The following TSPAN13 variants were observed in gnomAD, a reference collection of about 807,000 sequenced individuals.
The protein encoded by TSPAN13 is tetraspanin-13.
TSPAN13 carries 18 observed loss-of-function variants against 26.9 expected under a neutral mutation model. The ratio of observed to expected loss-of-function variants is 0.67; its 90% CI spans 0.46 to 0.99. The LOEUF is 0.99. Among genes scored for constraint, TSPAN13 ranks in the 50% least tolerant of loss-of-function variants. The pLI, the probability that TSPAN13 is intolerant of heterozygous loss-of-function variation, is 0.00. For synonymous variants in TSPAN13, 116 were observed against 98.4 expected (o/e 1.18, Z -1.06); for missense variants, 201 against 249.6 (o/e 0.81, Z 1.31).
chr7:16,756,334 A>G (rs1280003601), intron 1 of TSPAN13, among the ~76,000 whole-genome samples: 1 of 152,224 alleles, frequency 6.6e-6, no homozygotes, highest in Non-Finnish European at 1.5e-5. Flanking sequence ...ACTGCCTCTA[A>G]AATGTGCTCA....
intron 1 of TSPAN13, among the ~76,000 whole-genome samples, chr7:16,756,352 A>G (rs1181515802): frequency 6.6e-6 from 1 of 152,244 alleles, no homozygotes. Context: ...TCAACGCTAC[A>G]GGATTACATT....
intron 4 of TSPAN13, 81 bp downstream of exon 4, chr7:16,777,992 A>T (rs1784772686): frequency 1.0e-6 from 1 of 963,948 alleles, no homozygotes; most frequent in Non-Finnish European, 1.6e-6. Context: ...GGACTTTCTG[A>T]TGCTGAATTG....
intron 3 of TSPAN13, among the ~76,000 whole-genome samples, chr7:16,777,334 G>A (rs1053497401): frequency 3.9e-5 from 6 of 152,100 alleles, no homozygotes; most frequent in Admixed American, 6.6e-5. Flanking sequence ...CTTTTAAATC[G>A]GATTTTGCTT....
At chr7:16,773,499 T>C (rs1784706200) in intron 1 of TSPAN13, among the ~76,000 whole-genome samples, 1 of 152,210 alleles carries the variant, frequency 6.6e-6, no homozygotes, top group Non-Finnish European at 1.5e-5. Context: ...GTTGGGTAGT[T>C]GTGGCAGAGA....
chr7:16,776,824 A>G (rs1784754999), intron 2 of TSPAN13, among the ~76,000 whole-genome samples: 1 of 152,196 alleles, frequency 6.6e-6, no homozygotes, highest in Non-Finnish European at 1.5e-5. Context: ...AGTTTTAGTT[A>G]TGTAATTATG....
chr7:16,760,565 C>T (rs1375151516), intron 1 of TSPAN13, among the ~76,000 whole-genome samples: 2 of 152,152 alleles, frequency 1.3e-5, no homozygotes, highest in African/African-American at 4.8e-5. Context: ...GTAGCACTTA[C>T]AGTAACCACA....
chr7:16,764,903 C>G (rs1281355437), intron 1 of TSPAN13, among the ~76,000 whole-genome samples: 1 of 150,872 alleles, frequency 6.6e-6, no homozygotes, highest in Non-Finnish European at 1.5e-5. Flanking sequence ...CCATGGTGTT[C>G]TCTCTCTGTC....
intron 1 of TSPAN13, among the ~76,000 whole-genome samples, chr7:16,765,049 A>G (rs1784590631): frequency 1.3e-5 from 2 of 151,712 alleles, no homozygotes; most frequent in Admixed American, 6.6e-5. Flanking sequence ...GTGAACCACT[A>G]TGCCCCACCT....
At chr7:16,758,236 T>A (rs73071718) in intron 1 of TSPAN13, among the ~76,000 whole-genome samples, 6,449 of 152,236 alleles carry the variant, frequency 0.042, 226 homozygotes, top group African/African-American at 0.094. Context: ...AAAATTCTGT[T>A]TTTAATCTGT....
chr7:16,758,825 A>G (rs1015545590), intron 1 of TSPAN13, among the ~76,000 whole-genome samples: 3 of 151,914 alleles, frequency 2.0e-5, no homozygotes, highest in Non-Finnish European at 4.4e-5. Context: ...TCTTGAATGA[A>G]TCTACTTCCT....
chr7:16,764,682 T>C (rs1435740641), intron 1 of TSPAN13, among the ~76,000 whole-genome samples: 2 of 152,162 alleles, frequency 1.3e-5, no homozygotes, highest in African/African-American at 4.8e-5. Context: ...GAGATGCTAT[T>C]CACATACCTG....
rs759924279 is a variant in TSPAN13, at chr7:16,776,290, T to G, written c.143T>G (p.Val48Gly). The G allele has an allele frequency of 1.2e-6, 2 of 1,614,000 alleles. No homozygotes were observed. The highest frequency in any genetic ancestry group is 2.7e-5 in the African/African-American group (2 of 74,896). ...ATTTCCAGTCTCCGAGTGGTCGGCGTGGTCATTGCAGTGGGCATCTTCTTG... is the reference window on the plus strand; with the variant it reads ...ATTTCCAGTCTCCGAGTGGTCGGCGGGGTCATTGCAGTGGGCATCTTCTTG... ...GLISSLRVVG[V>G]VIAVGIFLFL... Residue 48 changes from valine to glycine, a missense_variant, in exon 2 of 6, where the codon GTG (valine) becomes GGG (glycine). Transcript: ENST00000262067.
chr7:16,766,026 G>A (rs935315896), intron 1 of TSPAN13, among the ~76,000 whole-genome samples: 2 of 152,108 alleles, frequency 1.3e-5, no homozygotes, highest in African/African-American at 2.4e-5. Context: ...GAAATAAATT[G>A]TTTTACTATT....
Position 16,768,259 on chromosome 7 carries a change from C to T in TSPAN13, c.64-7952C>T, listed in dbSNP as rs142264733. On this transcript the variant is annotated intron_variant, in intron 1 of 5. Coordinates refer to ENST00000262067, the MANE Select transcript of TSPAN13 (RefSeq NM_014399.4). ...TGTGCTGGAAATATATTCTCCTAGT[C>T]CTAGGTGTCTCTCACATTTGTCTCG... Among the ~76,000 whole-genome samples, 131 of 152,270 alleles carry T rather than the reference C, an allele frequency of 8.6e-4. 1 individual carries two copies. In the East Asian group the frequency reaches 0.024, roughly 28 times the overall value.
Position 16,753,935 on chromosome 7 carries a change from T to TA in TSPAN13, c.-32dup, listed in dbSNP as rs1170754134. 6.2e-7 allele frequency: 1 copy of TA among 1,606,914 alleles called. No homozygotes were observed. The highest frequency in any genetic ancestry group is 1.1e-5 in the South Asian group (1 of 89,558). On this transcript the variant is annotated 5_prime_UTR_variant, in exon 1 of 6. Transcript: ENST00000262067. ...AGGGAACCTCCGCCGGAGTCGAATT[T>TA]ACGTGCAGCTGCCGGCAACCACAGG...
At chr7:16,779,695 C>A (rs1459886029) in intron 5 of TSPAN13, among the ~76,000 whole-genome samples, 1 of 150,854 alleles carries the variant, frequency 6.6e-6, no homozygotes, top group Non-Finnish European at 1.5e-5. Flanking sequence ...AGTTCAGTTT[C>A]TTTTTTTCTC....
At chr7:16,763,815 G>C (rs957740545) in intron 1 of TSPAN13, among the ~76,000 whole-genome samples, 1 of 152,122 alleles carries the variant, frequency 6.6e-6, no homozygotes, top group Admixed American at 6.6e-5. Flanking sequence ...GGAAGTATAT[G>C]TGTTAGGTTG....
chr7:16,757,714 CCTTATA>C (rs1212970863), intron 1 of TSPAN13, among the ~76,000 whole-genome samples: 1 of 151,974 alleles, frequency 6.6e-6, no homozygotes, highest in African/African-American at 2.4e-5. Flanking sequence ...GATTCTTTTT[CCTTATA>C]CTTTTGGTTG....
intron 1 of TSPAN13, among the ~76,000 whole-genome samples, chr7:16,773,548 G>A (rs1335359576): frequency 1.3e-5 from 2 of 152,264 alleles, no homozygotes; most frequent in South Asian, 2.1e-4. Flanking sequence ...ATATCTGGCC[G>A]TTTGCAGAGA....
Sources: gnomAD v4.1 joint callset for allele counts (sites outside exome capture counted in the v4.1 genomes callset) on GRCh38, gnomAD v4.1.1 for gene constraint, MANE v1.5 for transcripts, NCBI Gene and HGNC (gene_info 2026-07-23, HGNC 2026-07-21) for gene names.